Variants in PPP2R2D observed in about 807,000 individuals in gnomAD.
PPP2R2D encodes the protein protein phosphatase 2 regulatory subunit Bdelta.
In PPP2R2D, 9 loss-of-function variants were observed where a neutral mutation model predicts 31.1. The ratio of observed to expected loss-of-function variants is 0.29; its 90% CI spans 0.17 to 0.51. PPP2R2D has a LOEUF of 0.51. Ranked by LOEUF, PPP2R2D falls within the 20% of genes least tolerant of loss-of-function variation. The pLI, the probability that PPP2R2D is intolerant of heterozygous loss-of-function variation, is 0.98. For missense variants in PPP2R2D, 391 were observed against 465.6 expected, an observed-to-expected ratio of 0.84 and a Z score of 1.48; for synonymous variants, 179 against 172.6, an observed-to-expected ratio of 1.04 and a Z score of -0.29.
the PPP2R2D span, chr10:131,967,540 C>T: frequency 7.7e-4 from 118 of 152,346 alleles, no homozygotes; most frequent in African/African-American, 2.7e-3. Flanking sequence ...CCGAATTAAG[C>T]GTGGAAAGGT....
At chr10:131,928,647 A>C (rs944043686) in intron 2 of PPP2R2D, among the ~76,000 whole-genome samples, 2 of 152,244 alleles carry the variant, frequency 1.3e-5, no homozygotes, top group South Asian at 4.1e-4. Flanking sequence ...AGGCTGCGGC[A>C]ACCCTCCAGC....
rs1554899835 is a variant in PPP2R2D at position 131,955,821 on chromosome 10, G to C, written c.1220G>C (p.Gly407Ala). 2 of 1,609,784 alleles carry C rather than the reference G, an allele frequency of 1.2e-6. No homozygotes were observed. The highest frequency in any genetic ancestry group is 1.7e-5 in the Admixed American group (1 of 59,712). Residue 407 changes from glycine to alanine, a missense_variant, in exon 9 of 9, where the codon GGT (glycine) becomes GCT (alanine). Transcript: ENST00000455566. ...AAACCCCGGAAGGTGTGTACGGGGG[G>C]TAAGCGGAGGAAAGACGAGATCAGT... is the stretch of plus-strand genomic sequence containing the variant. The part of the protein sequence containing the change: ...SLKPRKVCTG[G>A]KRRKDEISVD...
intron 2 of PPP2R2D, among the ~76,000 whole-genome samples, chr10:131,932,449 G>A (rs1473367275): frequency 1.3e-5 from 2 of 151,996 alleles, no homozygotes; most frequent in African/African-American, 2.4e-5. Flanking sequence ...GGCTGATGAC[G>A]TGAGGCCAGG....
At chr10:131,917,269 G>A (rs1554893316) in intron 2 of PPP2R2D, among the ~76,000 whole-genome samples, 6 of 140,880 alleles carry the variant, frequency 4.3e-5, no homozygotes, top group Non-Finnish European at 6.1e-5. Flanking sequence ...CCTCAGGCGG[G>A]TGGAATGACA....
rs1483670136 is a variant in PPP2R2D at position 131,945,074 on chromosome 10, G to A, written c.656-221G>A. Among the ~76,000 whole-genome samples, 1 of 152,150 alleles carries A rather than the reference G, an allele frequency of 6.6e-6. No homozygotes were observed. The highest frequency in any genetic ancestry group is 1.5e-5 in the Non-Finnish European group (1 of 68,022). On this transcript the variant is annotated intron_variant, in intron 6 of 8. Transcript: ENST00000455566. This position sits in a 1 kb window ranked among gnomAD's most constrained non-coding sequence, Gnocchi z 4.8. Reference sequence around the variant, plus strand: ...ATGAAAGCGGTGTTCGCTTGTCTGTGTCTCCCCCTGGGCCGGGGCGTTGCT... The same window carrying A: ...ATGAAAGCGGTGTTCGCTTGTCTGTATCTCCCCCTGGGCCGGGGCGTTGCT...
In PPP2R2D at chr10:131,919,324, A is replaced by G. The variant is rs1390254190; in HGVS notation, c.101-15134A>G. 3.5e-5 allele frequency among the ~76,000 whole-genome samples: 4 copies of G among 114,800 alleles called. 1 individual carries two copies. Among genetic ancestry groups the G allele is most frequent in the Admixed American group, 8.7e-5 (1 of 11,522 alleles). 75.3% of individuals were successfully genotyped at this position (114,800 alleles called of 152,430 possible). ...GCAGGTGGAATGACACAGTCTTTGTAGGGACCTCAGGCGGGTGGAATGACA... is the reference window on the plus strand; with the variant it reads ...GCAGGTGGAATGACACAGTCTTTGTGGGGACCTCAGGCGGGTGGAATGACA... On this transcript the variant is annotated intron_variant, in intron 2 of 8. Coordinates refer to ENST00000455566, the MANE Select transcript of PPP2R2D (RefSeq NM_018461.5).
intron 8 of PPP2R2D, among the ~76,000 whole-genome samples, chr10:131,952,538 T>TTGTGGGTGTGCGGGGGGTTCAC (rs2036676308): frequency 3.4e-5 from 1 of 29,702 alleles, no homozygotes; most frequent in African/African-American, 2.3e-4. Context: ...GTTCACTGTC[T>TTGTGGGTGTGCGGGGGGTTCAC]TAGTGACTTG....
chr10:131,925,879 G>C (rs2036095398), intron 2 of PPP2R2D, among the ~76,000 whole-genome samples: 1 of 152,200 alleles, frequency 6.6e-6, no homozygotes, highest in Non-Finnish European at 1.5e-5. Flanking sequence ...GAAGAAGCCA[G>C]GCCCCTCCCC....
rs368610703 is a variant in PPP2R2D at position 131,932,646 on chromosome 10, C to CAAAAAAAAAAAAAAAA, written c.101-1805_101-1790dup. On this transcript the variant is annotated intron_variant, in intron 2 of 8. Transcript: ENST00000455566. The stretch of plus-strand genomic sequence containing the variant: ...CGCGCCACTGTACTCCAGCCTGTCT[C>CAAAAAAAAAAAAAAAA]AAAAAAAAAAAAAAAAAAAAAACAC... Among the ~76,000 whole-genome samples the CAAAAAAAAAAAAAAAA allele has an allele frequency of 4.2e-3, 244 of 57,754 alleles. 13 individuals carry two copies. Among genetic ancestry groups the CAAAAAAAAAAAAAAAA allele is most frequent in the Non-Finnish European group, 5.6e-3 (180 of 32,226 alleles). The allele number at this position is 57,754 out of a possible 152,430, so 37.9% of individuals were successfully genotyped here. A position where few individuals can be genotyped will look rare whatever the true frequency, so the allele number is the denominator to read the frequency against.
chr10:131,925,130 A>G (rs2036079485), intron 2 of PPP2R2D, among the ~76,000 whole-genome samples: 1 of 152,104 alleles, frequency 6.6e-6, no homozygotes, highest in Admixed American at 6.6e-5. Context: ...TTTAATCTGG[A>G]TGCCTTTTAT....
chr10:131,967,853 T>C, the PPP2R2D span: 6 of 152,206 alleles, frequency 3.9e-5, no homozygotes, highest in Non-Finnish European at 7.4e-5. Context: ...ACTGAGTAGG[T>C]GCCTTCAGCA....
downstream of PPP2R2D, among the ~76,000 whole-genome samples, chr10:131,960,141 C>T (rs1412937692): frequency 6.6e-6 from 1 of 152,264 alleles, no homozygotes; most frequent in East Asian, 1.9e-4. Context: ...GAGGCGCTGG[C>T]AATTCCACGC....
At chr10:131,965,534 C>T in the PPP2R2D span, among the ~76,000 whole-genome samples, 2 of 152,208 alleles carry the variant, frequency 1.3e-5, no homozygotes, top group African/African-American at 4.8e-5. Context: ...ACTGCAACCT[C>T]CACCTCCCGG....
intron 8 of PPP2R2D, among the ~76,000 whole-genome samples, chr10:131,951,618 C>T (rs372030546): frequency 6.6e-6 from 1 of 152,096 alleles, no homozygotes; most frequent in Non-Finnish European, 1.5e-5. Flanking sequence ...GTCAGGAGTT[C>T]GAGAGCAGCC....
the PPP2R2D span, chr10:131,966,808 C>G: frequency 6.6e-6 from 1 of 152,146 alleles, no homozygotes; most frequent in African/African-American, 2.4e-5. Flanking sequence ...CCTCAGCCTC[C>G]CAAAGTGTTG....
At chr10:131,955,584 G>A in intron 8 of PPP2R2D, 100 bp from the exon 9 acceptor site, 2 of 1,056,612 alleles carry the variant, frequency 1.9e-6, no homozygotes, top group African/African-American at 1.6e-5. Context: ...TGGGTTGTGG[G>A]GGAGGGTGGC....
At chr10:131,941,207 T>G (rs2036435345) in intron 5 of PPP2R2D, among the ~76,000 whole-genome samples, 1 of 152,258 alleles carries the variant, frequency 6.6e-6, no homozygotes, top group Non-Finnish European at 1.5e-5. Flanking sequence ...CTTTTTTAAT[T>G]GTTAAATTAT....
chr10:131,901,613 G>A (rs1481923583), intron 2 of PPP2R2D, among the ~76,000 whole-genome samples: 1 of 152,138 alleles, frequency 6.6e-6, no homozygotes, highest in Non-Finnish European at 1.5e-5. Context: ...AGCGCCTGGG[G>A]CTGCCTCCTG....
chr10:131,906,141 T>C (rs1312326316), intron 2 of PPP2R2D, among the ~76,000 whole-genome samples: 1 of 152,224 alleles, frequency 6.6e-6, no homozygotes, highest in Non-Finnish European at 1.5e-5. Flanking sequence ...TCCACATGAC[T>C]GCAACCTGCT....
Sources: allele counts gnomAD v4.1 joint callset (sites outside exome capture counted in the v4.1 genomes callset), GRCh38; gene constraint gnomAD v4.1.1; non-coding constraint Gnocchi (gnomAD v3.1); transcripts MANE v1.5; gene names NCBI Gene and HGNC (gene_info 2026-07-23, HGNC 2026-07-21).